The following TSPAN5 variants were observed in gnomAD, a reference collection of about 807,000 sequenced individuals.
TSPAN5 encodes tetraspanin 5.
TSPAN5 carries 10 observed loss-of-function variants against 37.1 expected under a neutral mutation model. The observed-to-expected ratio is 0.27, with a 90% CI of 0.17 to 0.46. TSPAN5 has a LOEUF of 0.46. Among genes scored for constraint, TSPAN5 ranks in the 20% least tolerant of loss-of-function variants. The probability of loss-of-function intolerance (pLI) is 1.00; values close to 1 mark genes in which losing one functional copy is unlikely to be tolerated. For synonymous variants in TSPAN5, 110 were observed against 118.9 expected, an observed-to-expected ratio of 0.93 and a Z score of 0.48; for missense variants, 195 against 326.6, an observed-to-expected ratio of 0.60 and a Z score of 3.11.
At chr4:98,546,284 C>T (rs1754467348) in intron 1 of TSPAN5, among the ~76,000 whole-genome samples, 2 of 152,132 alleles carry the variant, frequency 1.3e-5, no homozygotes, top group South Asian at 4.1e-4. Flanking sequence ...ACTGAAAATA[C>T]ATAAAGTTGG....
intron 1 of TSPAN5, among the ~76,000 whole-genome samples, chr4:98,625,747 C>A (rs1433221320): frequency 2.0e-5 from 3 of 152,118 alleles, no homozygotes; most frequent in Admixed American, 1.3e-4. Context: ...CTATTAGTAG[C>A]ATTTATTCAT....
chr4:98,609,033 T>TA (rs1274094847), intron 1 of TSPAN5, among the ~76,000 whole-genome samples: 2 of 152,160 alleles, frequency 1.3e-5, no homozygotes, highest in Non-Finnish European at 2.9e-5. Context: ...GCACGAGACT[T>TA]ACATTTAGAG....
chr4:98,482,158 T>G lies in TSPAN5; in HGVS notation c.297A>C (p.Gly99=). ...CAGTGAGCTCCAGGAAGAAAATAAT[T>G]CCCAGGAACACAGAAAACTAAGATA... The part of the protein sequence containing the change: ...FLLKFFSVFL[G]IIFFLELTAG... Residue 99 remains glycine (G), a synonymous_variant, in exon 4 of 8, where the codon GGA becomes GGC. Transcript: ENST00000305798. 2.5e-6 allele frequency: 4 copies of G among 1,613,726 alleles called. No homozygotes were observed. The highest frequency in any genetic ancestry group is 3.4e-6 in the Non-Finnish European group (4 of 1,179,918).
chr4:98,548,024 A>G (rs1178581187), intron 1 of TSPAN5, among the ~76,000 whole-genome samples: 1 of 134,026 alleles, frequency 7.5e-6, no homozygotes, highest in Non-Finnish European at 1.5e-5. Flanking sequence ...AAAAAAAAAA[A>G]AAAGAAAAAG....
chr4:98,536,683 A>C (rs1456198350), intron 1 of TSPAN5, among the ~76,000 whole-genome samples: 2 of 152,208 alleles, frequency 1.3e-5, no homozygotes, highest in South Asian at 2.1e-4. Context: ...CCTTTTTGTC[A>C]GAGATCCTCT....
chr4:98,653,195 T>C (rs1024948483), intron 1 of TSPAN5, among the ~76,000 whole-genome samples: 3 of 152,164 alleles, frequency 2.0e-5, no homozygotes, highest in African/African-American at 7.2e-5. Context: ...TGTATCATCA[T>C]TCCAGAACAT....
chr4:98,566,721 A>T (rs1424892413), intron 1 of TSPAN5, among the ~76,000 whole-genome samples: 1 of 152,202 alleles, frequency 6.6e-6, no homozygotes, highest in Non-Finnish European at 1.5e-5. Flanking sequence ...GCATATATGC[A>T]GCTGAGCTTT....
chr4:98,548,456 C>T (rs1463753024), intron 1 of TSPAN5, among the ~76,000 whole-genome samples: 2 of 152,002 alleles, frequency 1.3e-5, no homozygotes, highest in African/African-American at 4.8e-5. Context: ...AAAAGAGATC[C>T]GTACACAGTT....
intron 1 of TSPAN5, among the ~76,000 whole-genome samples, chr4:98,640,149 T>C (rs1756933847): frequency 6.6e-6 from 1 of 152,036 alleles, no homozygotes; most frequent in Non-Finnish European, 1.5e-5. Flanking sequence ...ACTGTAATCA[T>C]GCAAATATAA....
At chr4:98,488,370 A>AG (rs910383079) in intron 2 of TSPAN5, among the ~76,000 whole-genome samples, 1 of 152,086 alleles carries the variant, frequency 6.6e-6, no homozygotes, top group Non-Finnish European at 1.5e-5. Context: ...TTCTTCCTTT[A>AG]GGGGGGTGTC....
At chr4:98,587,661 G>A (rs547030242) in intron 1 of TSPAN5, among the ~76,000 whole-genome samples, 183 of 152,146 alleles carry the variant, frequency 1.2e-3, no homozygotes, top group African/African-American at 4.1e-3. Context: ...AGGCTGAGGC[G>A]GGCAGATCAC....
chr4:98,529,924 T>C (rs998907995), intron 1 of TSPAN5, among the ~76,000 whole-genome samples: 1 of 152,150 alleles, frequency 6.6e-6, no homozygotes, highest in African/African-American at 2.4e-5. Flanking sequence ...AACTAAGATT[T>C]TGAGTATGTT....
intron 2 of TSPAN5, among the ~76,000 whole-genome samples, chr4:98,493,635 C>A (rs781373259): frequency 1.3e-5 from 2 of 152,130 alleles, no homozygotes; most frequent in Admixed American, 6.5e-5. Context: ...CTACATATAT[C>A]TTATTAATAC....
chr4:98,572,225 C>T (rs1755140052), intron 1 of TSPAN5, among the ~76,000 whole-genome samples: 1 of 152,226 alleles, frequency 6.6e-6, no homozygotes, highest in African/African-American at 2.4e-5. Context: ...CTGGTCTTGG[C>T]CTCCAAAAGT....
intron 1 of TSPAN5, among the ~76,000 whole-genome samples, chr4:98,520,436 A>C (rs1013942916): frequency 3.3e-5 from 5 of 152,242 alleles, no homozygotes; most frequent in African/African-American, 1.2e-4. Context: ...GAAACTGCCA[A>C]AAAGGAACTC....
chr4:98,655,391 C>T (rs1303928376), intron 1 of TSPAN5, among the ~76,000 whole-genome samples: 5 of 152,120 alleles, frequency 3.3e-5, no homozygotes, highest in African/African-American at 4.8e-5. Context: ...CTAGAAAGAA[C>T]GTTATAACTC....
At chr4:98,514,756 T>C (rs759007806) in intron 1 of TSPAN5, among the ~76,000 whole-genome samples, 9 of 152,150 alleles carry the variant, frequency 5.9e-5, no homozygotes, top group Non-Finnish European at 5.9e-5. Context: ...CAAATATTTA[T>C]TGAGCACCTA....
chr4:98,584,489 T>C (rs1755442802), intron 1 of TSPAN5, among the ~76,000 whole-genome samples: 1 of 152,166 alleles, frequency 6.6e-6, no homozygotes, highest in Admixed American at 6.5e-5. Context: ...TGTCAGTGCT[T>C]GAGTCAGCAG....
At chr4:98,578,059 T>C (rs905258511) in intron 1 of TSPAN5, among the ~76,000 whole-genome samples, 7 of 152,210 alleles carry the variant, frequency 4.6e-5, no homozygotes, top group African/African-American at 1.7e-4. Flanking sequence ...TCCTATTTTT[T>C]GGCACTTATT....
Sources: gnomAD v4.1 joint callset for allele counts (sites outside exome capture counted in the v4.1 genomes callset) on GRCh38, gnomAD v4.1.1 for gene constraint, MANE v1.5 for transcripts, NCBI Gene and HGNC (gene_info 2026-07-23, HGNC 2026-07-21) for gene names.